CHLSN: variants seen among roughly 807,000 people sequenced by gnomAD.
The protein encoded by CHLSN is cholesin.
the CHLSN span, among the ~76,000 whole-genome samples, chr7:1,016,765 A>ACGC: frequency 3.9e-5 from 3 of 77,046 alleles, no homozygotes; most frequent in African/African-American, 2.5e-4. Context: ...ACGCCAGCGC[A>ACGC]CAGCGCACAG....
chr7:1,056,937 A>G, the CHLSN span: 1 of 154,292 alleles, frequency 6.5e-6, no homozygotes. Context: ...AGTGACGTCA[A>G]GACTGGCTAT....
the CHLSN span, among the ~76,000 whole-genome samples, chr7:1,120,392 G>A: frequency 6.6e-6 from 1 of 151,916 alleles, no homozygotes; most frequent in Non-Finnish European, 1.5e-5. Context: ...TGCAGCCTCC[G>A]GTGATTCTCC....
At chr7:1,106,508 C>T in the CHLSN span, among the ~76,000 whole-genome samples, 5 of 151,330 alleles carry the variant, frequency 3.3e-5, no homozygotes, top group Non-Finnish European at 7.4e-5. Flanking sequence ...GCTGGAGGGG[C>T]CGAGAGCTTC....
the CHLSN span, among the ~76,000 whole-genome samples, chr7:1,033,559 CA>C: frequency 0.015 from 1,949 of 132,866 alleles, 30 homozygotes; most frequent in African/African-American, 0.043. Context: ...AACTCCGTCT[CA>C]AAAAAAAAAA....
chr7:1,096,111 C>T, the CHLSN span, among the ~76,000 whole-genome samples: 2 of 152,214 alleles, frequency 1.3e-5, no homozygotes, highest in Non-Finnish European at 2.9e-5. This position sits in a 1 kb window ranked among gnomAD's most constrained non-coding sequence, Gnocchi z 4.6. Context: ...GCCACAGACG[C>T]GGCTTCCATC....
the CHLSN span, chr7:988,874 T>A: frequency 8.7e-7 from 1 of 1,151,182 alleles, no homozygotes. Flanking sequence ...CAGCCCTGGG[T>A]CCTCCCACCC....
chr7:985,256 C>G, the CHLSN span: 1 of 1,551,982 alleles, frequency 6.4e-7, no homozygotes, highest in South Asian at 1.2e-5. Context: ...TACCGGGACC[C>G]CGTGTTTGTG....
At chr7:1,070,702 GCACATGAACACGCACACGCGCA>G in the CHLSN span, among the ~76,000 whole-genome samples, 1 of 136,844 alleles carries the variant, frequency 7.3e-6, no homozygotes, top group Non-Finnish European at 1.6e-5. Flanking sequence ...GCACACGCGA[GCACATGAACACGCACACGCGCA>G]CACATGCACG....
the CHLSN span, chr7:986,483 T>TC: frequency 3.2e-5 from 30 of 938,758 alleles, no homozygotes; most frequent in South Asian, 1.4e-4. Context: ...GGGCTAAGGG[T>TC]CCCCCCGTTC....
At chr7:984,381 C>T in the CHLSN span, 1 of 1,541,180 alleles carries the variant, frequency 6.5e-7, no homozygotes. Flanking sequence ...TGGGTGAGGG[C>T]TGCCCGGGTG....
the CHLSN span, chr7:986,487 C>T: frequency 9.9e-7 from 1 of 1,011,258 alleles, no homozygotes; most frequent in Non-Finnish European, 1.5e-6. Context: ...TAAGGGTCCC[C>T]CCGTTCTGTG....
the CHLSN span, among the ~76,000 whole-genome samples, chr7:1,027,597 A>T: frequency 6.6e-6 from 1 of 152,278 alleles, no homozygotes; most frequent in East Asian, 1.9e-4. Flanking sequence ...CGCCGTCCTC[A>T]GGAAGGCTCC....
the CHLSN span, among the ~76,000 whole-genome samples, chr7:1,113,895 G>A: frequency 4.6e-5 from 7 of 152,182 alleles, no homozygotes; most frequent in East Asian, 1.9e-4. Context: ...GCTCTGCTCC[G>A]GGGCTCTTCT....
At chr7:1,028,772 G>T in the CHLSN span, 1 of 766,466 alleles carries the variant, frequency 1.3e-6, no homozygotes, top group Non-Finnish European at 1.5e-6. Context: ...ATCTCCCCTA[G>T]TCTGCCGCCA....
chr7:999,507 C>A, the CHLSN span, among the ~76,000 whole-genome samples: 1,225 of 152,272 alleles, frequency 8.0e-3, 12 homozygotes, highest in African/African-American at 0.028. Flanking sequence ...CCCAGGAGGT[C>A]GAGGCTGCAG....
chr7:1,075,629 CAG>C, the CHLSN span, among the ~76,000 whole-genome samples: 2 of 137,818 alleles, frequency 1.5e-5, no homozygotes, highest in African/African-American at 5.5e-5. Context: ...TTTTTTGAGA[CAG>C]AGTAGGAGTC....
the CHLSN span, among the ~76,000 whole-genome samples, chr7:1,088,922 C>T: frequency 1.3e-5 from 2 of 151,990 alleles, no homozygotes; most frequent in Non-Finnish European, 2.9e-5. This position sits in a 1 kb window ranked among gnomAD's most constrained non-coding sequence, Gnocchi z 4.5. Flanking sequence ...CGTATCTTCT[C>T]GGTGTCTGGC....
chr7:1,008,707 G>A, the CHLSN span, among the ~76,000 whole-genome samples: 1 of 152,160 alleles, frequency 6.6e-6, no homozygotes, highest in Non-Finnish European at 1.5e-5. Flanking sequence ...TGTAGGTGGA[G>A]GACCGTCCTG....
chr7:979,009 C>T, the CHLSN span, among the ~76,000 whole-genome samples: 12 of 152,204 alleles, frequency 7.9e-5, no homozygotes, highest in Non-Finnish European at 1.8e-4. Context: ...GGCCCCTCTA[C>T]GAGCTGCTGG....
Sources: allele counts gnomAD v4.1 joint callset (sites outside exome capture counted in the v4.1 genomes callset), GRCh38; gene constraint gnomAD v4.1.1; non-coding constraint Gnocchi (gnomAD v3.1); transcripts MANE v1.5; gene names NCBI Gene and HGNC (gene_info 2026-07-23, HGNC 2026-07-21).